Variants in FGF13 observed in about 807,000 individuals in gnomAD.
The protein encoded by FGF13 is fibroblast growth factor homologous factor 2.
Under a neutral mutation model 19.5 loss-of-function variants are expected in FGF13, and 2 were observed. The ratio of observed to expected loss-of-function variants is 0.10; its 90% CI spans 0.04 to 0.32. The LOEUF (loss-of-function observed/expected upper bound fraction) is 0.32. Among genes scored for constraint, FGF13 ranks in the 10% least tolerant of loss-of-function variants. The pLI, the probability that FGF13 is intolerant of heterozygous loss-of-function variation, is 1.00. For missense variants in FGF13, 113 were observed against 192.7 expected (o/e 0.59, Z 2.45); for synonymous variants, 72 against 76.9 (o/e 0.94, Z 0.33).
intron 3 of FGF13, among the ~76,000 whole-genome samples, chrX:138,829,091 G>A (rs1260167663): frequency 1.8e-5 from 2 of 111,762 alleles, no homozygotes; most frequent in Admixed American, 9.5e-5. Context: ...ACAGGAATGG[G>A]TTACTTAAGG....
intron 1 of FGF13, among the ~76,000 whole-genome samples, chrX:139,086,732 G>A (rs989882988): frequency 3.6e-5 from 4 of 112,033 alleles, no homozygotes; most frequent in African/African-American, 1.3e-4. Context: ...TTTAATATGT[G>A]TTGCGTGAAT....
intron 3 of FGF13, among the ~76,000 whole-genome samples, chrX:138,777,807 T>C (rs2090599912): frequency 1.8e-5 from 2 of 110,891 alleles, no homozygotes; most frequent in Admixed American, 1.9e-4. Context: ...AAATACAAGA[T>C]TTAGATAGGA....
chrX:139,070,425 G>C (rs2092372854), intron 1 of FGF13, among the ~76,000 whole-genome samples: 2 of 112,408 alleles, frequency 1.8e-5, no homozygotes, highest in South Asian at 7.4e-4. Flanking sequence ...AAACCACAAT[G>C]AGATACCATC....
chrX:139,046,877 C>G (rs1205904918), intron 1 of FGF13, among the ~76,000 whole-genome samples: 1 of 111,826 alleles, frequency 8.9e-6, no homozygotes. Flanking sequence ...GAAGAGCCTG[C>G]ATGGCCCCCT....
At chrX:139,090,685 A>T (rs979224323) in intron 1 of FGF13, among the ~76,000 whole-genome samples, 1 of 110,940 alleles carries the variant, frequency 9.0e-6, no homozygotes, top group Non-Finnish European at 1.9e-5. Flanking sequence ...CACGCCTGTA[A>T]TCCCAACACT....
intron 1 of FGF13, among the ~76,000 whole-genome samples, chrX:139,007,411 A>G (rs2092107311): frequency 2.7e-5 from 3 of 111,427 alleles, no homozygotes; most frequent in Non-Finnish European, 3.8e-5. Flanking sequence ...GGAGGCTTCA[A>G]TGCCCTACAT....
At chrX:138,791,843 C>G (rs1347687082) in intron 3 of FGF13, among the ~76,000 whole-genome samples, 1 of 111,923 alleles carries the variant, frequency 8.9e-6, no homozygotes, top group Non-Finnish European at 1.9e-5. Context: ...TATTTAAAAT[C>G]TACGAATTTT....
chrX:138,767,677 T>C (rs1323884258), intron 3 of FGF13, among the ~76,000 whole-genome samples: 1 of 112,067 alleles, frequency 8.9e-6, no homozygotes, highest in Non-Finnish European at 1.9e-5. Context: ...ATGGAGTGTT[T>C]CAAGCTTGAT....
intron 1 of FGF13, among the ~76,000 whole-genome samples, chrX:139,197,993 CA>C (rs57335781): frequency 0.083 from 1,928 of 23,276 alleles, 18 homozygotes; most frequent in African/African-American, 0.21. Context: ...GACCCTACCT[CA>C]AAAAAAAAAA....
chrX:139,111,824 A>G (rs1275032024), intron 1 of FGF13, among the ~76,000 whole-genome samples: 2 of 112,094 alleles, frequency 1.8e-5, no homozygotes, highest in African/African-American at 6.5e-5. Flanking sequence ...TATTTTCCCT[A>G]TTCTAAATTC....
Position 138,617,848 on chromosome X carries a change from T to C in FGF13, c.*15002A>G, listed in dbSNP as rs1407180509. On this transcript the variant is annotated 3_prime_UTR_variant, in exon 5 of 5. Transcript: ENST00000315930. ...GTCCCAGCTACTTGGGAGGCTGAAG[T>C]GGGAGGATCACTTGACCCAAGAAAT... The C allele has an allele frequency of 9.1e-6, 1 of 110,143 alleles. No homozygotes were observed. The highest frequency in any genetic ancestry group is 3.3e-5 in the African/African-American group (1 of 30,165). The allele number at this position is 110,143 out of a possible 1,213,427, so 9.1% of individuals were successfully genotyped here. A position where few individuals can be genotyped will look rare whatever the true frequency, so the allele number is the denominator to read the frequency against.
At chrX:139,053,848 G>A (rs780026009) in intron 1 of FGF13, among the ~76,000 whole-genome samples, 21 of 111,372 alleles carry the variant, frequency 1.9e-4, no homozygotes, top group Non-Finnish European at 4.0e-4. Flanking sequence ...GTCTGGAAGG[G>A]TTTTTCCAAT....
At chrX:138,865,435 TCTCTCTCTCTCTCTC>T (rs2091313588) in intron 1 of FGF13, among the ~76,000 whole-genome samples, 2 of 99,689 alleles carry the variant, frequency 2.0e-5, no homozygotes, top group Non-Finnish European at 3.9e-5. Flanking sequence ...CTCTCTCTTC[TCTCTCTCTCTCTCTC>T]CTCTCTCTCT....
At chrX:139,042,310 A>AT (rs2092272507) in intron 1 of FGF13, among the ~76,000 whole-genome samples, 1 of 111,608 alleles carries the variant, frequency 9.0e-6, no homozygotes, top group African/African-American at 3.3e-5. Flanking sequence ...GTGGAGGCAG[A>AT]TCCATGAGAA....
rs930450717 is a variant in FGF13, at chrX:138,622,355, A to T, written c.*10495T>A. The T allele has an allele frequency of 8.9e-6, 1 of 112,015 alleles. No homozygotes were observed. The highest frequency in any genetic ancestry group is 3.2e-5 in the African/African-American group (1 of 30,888). 9.2% of individuals were successfully genotyped at this position (112,015 alleles called of 1,213,427 possible). On this transcript the variant is annotated 3_prime_UTR_variant, in exon 5 of 5. Transcript: ENST00000315930. ...GACAATGAAGGATAATAATCATATGATCATTTTAACAGATACAGAAAAGGC... is the reference window on the plus strand; with the variant it reads ...GACAATGAAGGATAATAATCATATGTTCATTTTAACAGATACAGAAAAGGC...
chrX:138,674,556 A>C (rs778388547), intron 3 of FGF13, among the ~76,000 whole-genome samples: 4 of 111,120 alleles, frequency 3.6e-5, no homozygotes, highest in Non-Finnish European at 7.5e-5. Flanking sequence ...AAGACATGGA[A>C]GCAAGCTGAA....
At chrX:138,725,378 C>T (rs2090177208) in intron 1 of FGF13, among the ~76,000 whole-genome samples, 2 of 111,329 alleles carry the variant, frequency 1.8e-5, no homozygotes, top group South Asian at 3.8e-4. Flanking sequence ...GCACATCCTT[C>T]GTCACTGCTA....
intron 3 of FGF13, among the ~76,000 whole-genome samples, chrX:138,822,604 C>A (rs780897989): frequency 8.9e-6 from 1 of 112,206 alleles, no homozygotes; most frequent in South Asian, 3.7e-4. Context: ...AGAGTTATTA[C>A]TGAAACTTAC....
chrX:138,708,711 T>C lies in FGF13; in HGVS notation c.298+107A>G, dbSNP rs773369738. ...AACAGGATTATGTAGTGTGAATATATTTTGCATTTAATTCAGGATTTAGGA... is the reference window on the plus strand; with the variant it reads ...AACAGGATTATGTAGTGTGAATATACTTTGCATTTAATTCAGGATTTAGGA... On this transcript the variant is annotated intron_variant, in intron 2 of 4. Coordinates refer to ENST00000315930, the MANE Select transcript of FGF13 (RefSeq NM_004114.5). 1.7e-5 allele frequency: 9 copies of C among 533,393 alleles called. No individual in the cohort carries two copies. In the East Asian group the frequency reaches 3.1e-4, roughly 18 times the overall value. 44.0% of individuals were successfully genotyped at this position (533,393 alleles called of 1,213,427 possible). A position where few individuals can be genotyped will look rare whatever the true frequency, so the allele number is the denominator to read the frequency against.
Sources: gnomAD v4.1 joint callset for allele counts (sites outside exome capture counted in the v4.1 genomes callset) on GRCh38, gnomAD v4.1.1 for gene constraint, MANE v1.5 for transcripts, NCBI Gene and HGNC (gene_info 2026-07-23, HGNC 2026-07-21) for gene names.